The following JCAD variants were observed in gnomAD, a reference collection of about 807,000 sequenced individuals.
JCAD encodes the protein junctional cadherin 5-associated protein.
Under a neutral mutation model 98.0 loss-of-function variants are expected in JCAD, and 40 were observed. The observed-to-expected ratio is 0.41, with a 90% CI of 0.32 to 0.53. JCAD has a LOEUF of 0.53. Among genes scored for constraint, JCAD ranks in the 20% least tolerant of loss-of-function variants. JCAD has a pLI of 0.31. For synonymous variants in JCAD, 691 were observed against 682.3 expected (o/e 1.01, Z -0.20); for missense variants, 1,705 against 1,738.1 (o/e 0.98, Z 0.34).
At chr10:30,103,702 C>T (rs1315721148) in intron 1 of JCAD, among the ~76,000 whole-genome samples, 1 of 150,670 alleles carries the variant, frequency 6.6e-6, no homozygotes, top group East Asian at 1.9e-4. Context: ...TAATAACCTA[C>T]TGATAATAAA....
chr10:30,055,183 T>C (rs1589697162), intron 1 of JCAD, among the ~76,000 whole-genome samples: 2 of 152,340 alleles, frequency 1.3e-5, no homozygotes, highest in East Asian at 3.9e-4. Context: ...ACCAGCATTC[T>C]AAAAAGGTCT....
chr10:30,034,948 C>A (rs556211169), intron 2 of JCAD, among the ~76,000 whole-genome samples: 1 of 152,292 alleles, frequency 6.6e-6, no homozygotes, highest in South Asian at 2.1e-4. Context: ...GGTGAGTAGG[C>A]TTTTATGAAG....
At chr10:30,042,308 G>C (rs1589690159) in intron 2 of JCAD, among the ~76,000 whole-genome samples, 1 of 152,206 alleles carries the variant, frequency 6.6e-6, no homozygotes, top group African/African-American at 2.4e-5. Flanking sequence ...AGGCACCCAT[G>C]CCTGGTCATT....
rs552396663 is a variant in JCAD, at chr10:30,070,193, C to T, written n.129-372G>A. ...ATAAATCAAATGAAAGTCAGCTTAT[C>T]AGCCACAGTTGAAAAATAACTGTGA... On this transcript the variant is annotated intron_variant and non_coding_transcript_variant, in intron 1 of 2. Coordinates refer to the JCAD transcript ENST00000465712. Among the ~76,000 whole-genome samples the T allele has an allele frequency of 6.6e-4, 101 of 152,316 alleles. No homozygotes were observed. In the Middle Eastern group the frequency reaches 0.01, roughly 15 times the overall value.
chr10:30,031,685 G>A (rs988446900), intron 2 of JCAD, among the ~76,000 whole-genome samples: 9 of 148,134 alleles, frequency 6.1e-5, no homozygotes, highest in South Asian at 2.1e-4. Flanking sequence ...CAAGTCTTCC[G>A]CCCACCTCGG....
At chr10:30,097,131 G>A (rs1270396970) in intron 1 of JCAD, among the ~76,000 whole-genome samples, 4 of 152,164 alleles carry the variant, frequency 2.6e-5, no homozygotes, top group African/African-American at 4.8e-5. Context: ...CAATAGAAAT[G>A]CTCAAACCAA....
At chr10:30,034,699 C>T (rs1837076611) in intron 2 of JCAD, among the ~76,000 whole-genome samples, 1 of 152,124 alleles carries the variant, frequency 6.6e-6, no homozygotes, top group Non-Finnish European at 1.5e-5. Flanking sequence ...TGTGACCGCC[C>T]ATCAGTAGCC....
intron 2 of JCAD, among the ~76,000 whole-genome samples, chr10:30,031,603 G>A (rs1423512183): frequency 2.0e-5 from 3 of 151,358 alleles, no homozygotes; most frequent in Non-Finnish European, 2.9e-5. Context: ...CACCACACCC[G>A]GCTAATTTTT....
At chr10:30,024,567 C>T (rs753512765) in intron 3 of JCAD, among the ~76,000 whole-genome samples, 3 of 152,084 alleles carry the variant, frequency 2.0e-5, no homozygotes, top group Non-Finnish European at 4.4e-5. Flanking sequence ...GAGGATCCAA[C>T]GGGGCCCCGA....
chr10:30,024,734 C>T (rs55885169), intron 3 of JCAD, among the ~76,000 whole-genome samples: 55,807 of 138,500 alleles, frequency 0.4, 10,878 homozygotes, highest in Middle Eastern at 0.53. Flanking sequence ...CTTGCTCTGT[C>T]GCCCAGGCTG....
chr10:30,109,655 C>A (rs888387699), intron 1 of JCAD, among the ~76,000 whole-genome samples: 22 of 152,158 alleles, frequency 1.4e-4, no homozygotes, highest in Admixed American at 2.6e-4. Flanking sequence ...CCCCACAATC[C>A]AAGGGTTGGG....
intron 1 of JCAD, among the ~76,000 whole-genome samples, chr10:30,101,106 T>G (rs895443048): frequency 1.3e-5 from 2 of 152,186 alleles, no homozygotes; most frequent in Non-Finnish European, 2.9e-5. Context: ...ATGTTTCTTA[T>G]CAGATTTAAA....
chr10:30,038,168 T>G (rs557922801), intron 2 of JCAD, among the ~76,000 whole-genome samples: 229 of 152,258 alleles, frequency 1.5e-3, no homozygotes, highest in African/African-American at 5.4e-3. Context: ...GAGGCCACGG[T>G]CCACCGGCCC....
chr10:30,072,628 GA>G (rs1442616892), intron 1 of JCAD, among the ~76,000 whole-genome samples: 1 of 151,816 alleles, frequency 6.6e-6, no homozygotes, highest in Non-Finnish European at 1.5e-5. Context: ...TAGGAAGCTA[GA>G]GGTAGGGCCC....
upstream of JCAD, among the ~76,000 whole-genome samples, chr10:30,063,724 A>G (rs1837739798): frequency 2.0e-5 from 3 of 152,162 alleles, no homozygotes; most frequent in South Asian, 6.2e-4. Context: ...GGTGTTTAGC[A>G]TATCCATCTG....
chr10:30,039,464 G>A (rs1837197239), intron 2 of JCAD, among the ~76,000 whole-genome samples: 1 of 151,858 alleles, frequency 6.6e-6, no homozygotes, highest in Non-Finnish European at 1.5e-5. Context: ...CCTTCCTTTT[G>A]AGTTTTCTGG....
chr10:30,086,545 T>C (rs1441021987), intron 1 of JCAD, among the ~76,000 whole-genome samples: 2 of 152,250 alleles, frequency 1.3e-5, no homozygotes, highest in Non-Finnish European at 2.9e-5. Context: ...CTGAAAACCA[T>C]GTCACAAATC....
Position 30,017,801 on chromosome 10 carries a change from G to T in JCAD, c.*82C>A. The T allele has an allele frequency of 7.9e-7, 1 of 1,260,544 alleles. No homozygotes were observed. The highest frequency in any genetic ancestry group is 2.3e-5 in the East Asian group (1 of 43,312). The allele number at this position is 1,260,544 out of a possible 1,614,324, so 78.1% of individuals were successfully genotyped here. A position where few individuals can be genotyped will look rare whatever the true frequency, so the allele number is the denominator to read the frequency against. ...CAGCAGCTTCCAGCTTCTACATGGG[G>T]AAGTGGGGCTGATAGACTAAATCTA... is the stretch of plus-strand genomic sequence containing the variant. On this transcript the variant is annotated 3_prime_UTR_variant, in exon 4 of 4. Coordinates refer to ENST00000375377, the MANE Select transcript of JCAD (RefSeq NM_020848.4).
In JCAD at chr10:30,047,543, G is replaced by A. The variant is rs532447196; in HGVS notation, c.270C>T (p.Thr90=). ...GEPQSTSASR[T]SEAGFCNQPP... ...ACAGTGAAACTTACCCCGCCTCCGA[G>A]GTTCTGGAAGCAGAAGTGCTCTGGG... Residue 90 remains threonine (T), a synonymous_variant, in exon 2 of 4, where the codon ACC becomes ACT. Coordinates refer to ENST00000375377, the MANE Select transcript of JCAD (RefSeq NM_020848.4). The A allele has an allele frequency of 1.9e-6, 3 of 1,612,038 alleles. No homozygotes were observed. In the South Asian group the frequency reaches 3.3e-5, roughly 18 times the overall value.
Sources: allele counts gnomAD v4.1 joint callset (sites outside exome capture counted in the v4.1 genomes callset), GRCh38; gene constraint gnomAD v4.1.1; transcripts MANE v1.5; gene names NCBI Gene and HGNC (gene_info 2026-07-23, HGNC 2026-07-21).